DAGLB: variants seen among roughly 807,000 people sequenced by gnomAD.
The protein encoded by DAGLB is diacylglycerol lipase-beta.
DAGLB carries 66 observed loss-of-function variants against 72.1 expected under a neutral mutation model. That is an observed-to-expected ratio of 0.92 (90% CI 0.75 to 1.12). DAGLB has a LOEUF of 1.12. DAGLB is among the 50% of genes most tolerant of loss of function. The probability of loss-of-function intolerance (pLI) is 0.00; values close to 1 mark genes in which losing one functional copy is unlikely to be tolerated. For synonymous variants in DAGLB, 414 were observed against 359.5 expected (o/e 1.15, Z -1.71); for missense variants, 1,065 against 884.9 (o/e 1.20, Z -2.58).
intron 4 of DAGLB, among the ~76,000 whole-genome samples, chr7:6,434,527 G>A (rs836535): frequency 0.31 from 47,382 of 152,016 alleles, 11,304 homozygotes; most frequent in African/African-American, 0.67. Context: ...AGGGTAGTGA[G>A]TGGGTGTCAA....
chr7:6,428,486 CT>C (rs1251418612), intron 6 of DAGLB, among the ~76,000 whole-genome samples: 103 of 143,894 alleles, frequency 7.2e-4, no homozygotes, highest in Non-Finnish European at 6.7e-4. Context: ...GTTTTGGTTT[CT>C]TTTTTTTTTT....
In DAGLB at chr7:6,436,606, C is replaced by G; in HGVS notation, c.248-73G>C. On this transcript the variant is annotated intron_variant, in intron 2 of 14. Coordinates refer to ENST00000297056, the MANE Select transcript of DAGLB (RefSeq NM_139179.4). The stretch of plus-strand genomic sequence containing the variant: ...GAAGAGCTTCCTTTTTGCAAAAATA[C>G]AGCTTTTGCAGAGCATACATTTGTA... 6 of 1,592,338 alleles carry G rather than the reference C, an allele frequency of 3.8e-6. No individual in the cohort carries two copies. In the Middle Eastern group the frequency reaches 5.0e-4, roughly 133 times the overall value.
At chr7:6,421,071 G>A (rs924144668) in intron 9 of DAGLB, among the ~76,000 whole-genome samples, 4 of 152,238 alleles carry the variant, frequency 2.6e-5, no homozygotes, top group Non-Finnish European at 5.9e-5. Flanking sequence ...GGGAGGCTGA[G>A]GCAGGAGGAT....
chr7:6,441,067 T>C lies in DAGLB; in HGVS notation c.248-4534A>G, dbSNP rs138325275. ...CGATACATATTTTTAATAAGGCATATGACGTTATGTGTAACAAACTGACAA... is the reference window on the plus strand; with the variant it reads ...CGATACATATTTTTAATAAGGCATACGACGTTATGTGTAACAAACTGACAA... On this transcript the variant is annotated intron_variant, in intron 2 of 14. Coordinates refer to ENST00000297056, the MANE Select transcript of DAGLB (RefSeq NM_139179.4). 2.5e-4 allele frequency among the ~76,000 whole-genome samples: 38 copies of C among 151,310 alleles called. 1 individual carries two copies. In the East Asian group the frequency reaches 7.0e-3, roughly 28 times the overall value.
chr7:6,447,869 GGA>G lies in DAGLB; in HGVS notation c.-29_-28del, dbSNP rs771327873. The G allele has an allele frequency of 1.3e-6, 2 of 1,587,162 alleles. No individual in the cohort carries two copies. The highest frequency in any genetic ancestry group is 3.7e-5 in the Admixed American group (2 of 53,544). On this transcript the variant is annotated 5_prime_UTR_variant, in exon 1 of 15. Coordinates refer to ENST00000297056, the MANE Select transcript of DAGLB (RefSeq NM_139179.4). ...GCGAAGGTCCCGTAGCTCGCACTCAGGAGAGACCCCGCGCGCCGTTCACCGAG... is the reference window on the plus strand; with the variant it reads ...GCGAAGGTCCCGTAGCTCGCACTCAGGAGACCCCGCGCGCCGTTCACCGAG...
rs568238633 is a variant in DAGLB at position 6,431,355 on chromosome 7, T to G, written c.802-748A>C. On this transcript the variant is annotated intron_variant, in intron 5 of 14. Coordinates refer to ENST00000297056, the MANE Select transcript of DAGLB (RefSeq NM_139179.4). ...TCACCAAGCAAAGCTGAACTGCTTC[T>G]GCCCCCAGCCCCAGAGAAGAAAGCA... 2.0e-5 allele frequency among the ~76,000 whole-genome samples: 3 copies of G among 152,272 alleles called. No individual in the cohort carries two copies. The East Asian group carries it at 5.8e-4, about 29-fold the overall frequency.
chr7:6,438,249 G>A (rs1316684674), intron 2 of DAGLB, among the ~76,000 whole-genome samples: 1 of 152,070 alleles, frequency 6.6e-6, no homozygotes, highest in Non-Finnish European at 1.5e-5. Context: ...TATACCTAAT[G>A]TAAATGACGA....
intron 4 of DAGLB, among the ~76,000 whole-genome samples, chr7:6,433,559 G>C (rs1213758104): frequency 2.0e-5 from 3 of 152,146 alleles, no homozygotes; most frequent in African/African-American, 7.2e-5. Context: ...ACAATATACT[G>C]CCAGGTGCGA....
intron 3 of DAGLB, chr7:6,435,588 TTGCAGCCTGCGCCCGGA>T (rs1723970155): frequency 6.4e-6 from 1 of 155,132 alleles, no homozygotes; most frequent in African/African-American, 2.4e-5. Context: ...CTGGGCAGAG[TTGCAGCCTGCGCCCGGA>T]TGCAGCGGGC....
Position 6,424,765 on chromosome 7 carries a change from G to C in DAGLB, c.1127C>G (p.Thr376Ser). Residue 376 changes from threonine (T) to serine (S), a missense_variant, in exon 8 of 15, where the codon ACC (threonine) becomes AGC (serine). Physicochemically the swap from Thr to Ser is moderately conservative, Grantham distance 58. Transcript: ENST00000297056. ...KESVVVAVRGTMSLQDVLTDL... is the reference protein window; with the variant it reads ...KESVVVAVRGSMSLQDVLTDL... ...TTCCAACGTTACCTGCAGAGACATG[G>C]TCCCCCTCACAGCGACCACAACAGA... is the stretch of plus-strand genomic sequence containing the variant. 1 of 1,613,698 alleles carries C rather than the reference G, an allele frequency of 6.2e-7. No individual in the cohort carries two copies. Among genetic ancestry groups the C allele is most frequent in the Non-Finnish European group, 8.5e-7 (1 of 1,179,856 alleles).
In DAGLB at chr7:6,447,794, C is replaced by T. The variant is rs1315451759; in HGVS notation, c.49G>A (p.Asp17Asn). Residue 17 changes from aspartate (D) to asparagine (N), a missense_variant, in exon 1 of 15, where the codon GAC becomes AAC. Coordinates refer to ENST00000297056, the MANE Select transcript of DAGLB (RefSeq NM_139179.4). ...TCGAAGAACCCTGGGAAGACCAAGT[C>T]GTCGCTGGCGATGGCCCAGCGCCGG... Reference protein sequence around the residue: ...FGRRWAIASDDLVFPGFFELV... With the variant: ...FGRRWAIASDNLVFPGFFELV... 1 of 1,613,660 alleles carries T rather than the reference C, an allele frequency of 6.2e-7. No homozygotes were observed. Among genetic ancestry groups the T allele is most frequent in the Non-Finnish European group, 8.5e-7 (1 of 1,179,848 alleles).
intron 2 of DAGLB, among the ~76,000 whole-genome samples, chr7:6,440,802 G>C (rs180906632): frequency 3.3e-4 from 50 of 152,234 alleles, no homozygotes; most frequent in Middle Eastern, 3.4e-3. Flanking sequence ...CTGGGAGGCG[G>C]AGGTTGCAGT....
chr7:6,423,364 G>A (rs1436485488), intron 8 of DAGLB, among the ~76,000 whole-genome samples: 1 of 152,106 alleles, frequency 6.6e-6, no homozygotes, highest in Non-Finnish European at 1.5e-5. Flanking sequence ...TGGAGAGAGG[G>A]CCACATAGGC....
rs746686098 is a variant in DAGLB, at chr7:6,430,543, T to C, written c.866A>G (p.Tyr289Cys). The C allele has an allele frequency of 1.1e-5, 17 of 1,603,400 alleles. No individual in the cohort carries two copies. The highest frequency in any genetic ancestry group is 1.3e-5 in the Non-Finnish European group (15 of 1,172,982). The change falls in exon 6 of 15, where the codon TAT (tyrosine) becomes TGT (cysteine). Residue 289 changes from tyrosine to cysteine, a missense_variant. Transcript: ENST00000297056. The part of the protein sequence containing the change: ...HHYMQFAAAA[Y>C]GWPLYIYRNP... ...TCTGTAGATGTAGAGGGGCCACCCATAGGCCGCTGCTGCAAACTGCATGTA... is the reference window on the plus strand; with the variant it reads ...TCTGTAGATGTAGAGGGGCCACCCACAGGCCGCTGCTGCAAACTGCATGTA...
At chr7:6,420,343 G>A (rs1784071685) in intron 9 of DAGLB, among the ~76,000 whole-genome samples, 1 of 151,750 alleles carries the variant, frequency 6.6e-6, no homozygotes. Context: ...GGGAGGCTGA[G>A]ACAGGAGAAT....
At chr7:6,414,371 G>A (rs934262306) in intron 11 of DAGLB, among the ~76,000 whole-genome samples, 2 of 150,806 alleles carry the variant, frequency 1.3e-5, no homozygotes, top group African/African-American at 4.9e-5. Flanking sequence ...GGAGTGCAGT[G>A]GCACGATCTC....
At chr7:6,417,512 G>C (rs1183104698) in intron 9 of DAGLB, 1 of 152,606 alleles carries the variant, frequency 6.6e-6, no homozygotes, top group East Asian at 1.9e-4. Context: ...TGTGCTGTGT[G>C]AACATATCAC....
At chr7:6,440,413 T>A (rs979758624) in intron 2 of DAGLB, among the ~76,000 whole-genome samples, 1 of 151,904 alleles carries the variant, frequency 6.6e-6, no homozygotes, top group African/African-American at 2.4e-5. Flanking sequence ...TTTTCCTCAA[T>A]TGAGCTACAG....
intron 2 of DAGLB, among the ~76,000 whole-genome samples, chr7:6,444,904 T>A (rs1295482210): frequency 3.9e-5 from 6 of 152,252 alleles, no homozygotes; most frequent in African/African-American, 1.2e-4. Context: ...TGACTCCGTC[T>A]CAAAAAAACA....
Sources: gnomAD v4.1 joint callset for allele counts (sites outside exome capture counted in the v4.1 genomes callset) on GRCh38, gnomAD v4.1.1 for gene constraint, MANE v1.5 for transcripts, NCBI Gene and HGNC (gene_info 2026-07-23, HGNC 2026-07-21) for gene names.